The following BTBD9 variants were observed in gnomAD, a reference collection of about 807,000 sequenced individuals.
The protein encoded by BTBD9 is BTB domain containing 9.
In BTBD9, 49 loss-of-function variants were observed where a neutral mutation model predicts 64.3. The ratio of observed to expected loss-of-function variants is 0.76; its 90% CI spans 0.61 to 0.97. The LOEUF (loss-of-function observed/expected upper bound fraction) is 0.97. Among genes scored for constraint, BTBD9 ranks in the 50% least tolerant of loss-of-function variants. BTBD9 has a pLI of 0.00. For missense variants in BTBD9, 598 were observed against 762.1 expected, an observed-to-expected ratio of 0.78 and a Z score of 2.53; for synonymous variants, 260 against 274.7, an observed-to-expected ratio of 0.95 and a Z score of 0.53.
intron 6 of BTBD9, among the ~76,000 whole-genome samples, chr6:38,392,495 C>T (rs1399263127): frequency 6.6e-6 from 1 of 152,078 alleles, no homozygotes. Flanking sequence ...GGGGGTGCTA[C>T]CCAATCTTGA....
intron 6 of BTBD9, among the ~76,000 whole-genome samples, chr6:38,418,078 T>C (rs1243181706): frequency 6.6e-6 from 1 of 152,184 alleles, no homozygotes; most frequent in Non-Finnish European, 1.5e-5. Context: ...TCTATCATCA[T>C]TTATGTCTTG....
chr6:38,569,754 T>C (rs1248144422), intron 6 of BTBD9, among the ~76,000 whole-genome samples: 1 of 152,060 alleles, frequency 6.6e-6, no homozygotes, highest in Non-Finnish European at 1.5e-5. Context: ...TTCTCAAAGG[T>C]CTTACTGAAT....
rs572955596 is a variant in BTBD9, at chr6:38,469,055, C to T, written c.1154+108545G>A. ...AATATCACTTGTCAGTCCTACTAAT[C>T]TTGTTGGTATGTCTGTAAAAATCTA... On this transcript the variant is annotated intron_variant, in intron 6 of 10. Coordinates refer to ENST00000481247, the MANE Select transcript of BTBD9 (RefSeq NM_001099272.2). Among the ~76,000 whole-genome samples the T allele has an allele frequency of 2.3e-4, 35 of 151,848 alleles. No individual in the cohort carries two copies. The South Asian group carries it at 6.2e-3, about 27-fold the overall frequency.
intron 1 of BTBD9, among the ~76,000 whole-genome samples, chr6:38,606,250 C>T (rs999627783): frequency 2.6e-5 from 4 of 152,140 alleles, no homozygotes; most frequent in Non-Finnish European, 5.9e-5. Flanking sequence ...GGGACTTCAC[C>T]TTGTGATCGT....
intron 9 of BTBD9, among the ~76,000 whole-genome samples, chr6:38,213,902 A>G (rs953574686): frequency 6.6e-5 from 10 of 151,948 alleles, no homozygotes; most frequent in Non-Finnish European, 8.8e-5. Flanking sequence ...AGGCTGAGGC[A>G]GGAAAATGGC....
intron 1 of BTBD9, among the ~76,000 whole-genome samples, chr6:38,599,588 G>A (rs1777176725): frequency 6.6e-6 from 1 of 152,216 alleles, no homozygotes; most frequent in African/African-American, 2.4e-5. Context: ...TCAGAGACTA[G>A]AGAAATTGAG....
chr6:38,288,396 G>A lies in BTBD9; in HGVS notation c.1330C>T (p.Arg444Ter), dbSNP rs768090608. The A allele has an allele frequency of 8.7e-6, 14 of 1,613,880 alleles. No individual in the cohort carries two copies. Among genetic ancestry groups the A allele is most frequent in the Middle Eastern group, 3.3e-4 (2 of 6,082 alleles). The part of the protein sequence containing the change: ...ASVIEGVSRS[R>*]NALLNGDTKN... The stretch of plus-strand genomic sequence containing the variant: ...GTGTCCCCATTCAGCAAGGCATTTC[G>A]GCTCCGACTGACTCCTTCAATCACA... The change falls in exon 8 of 11, where the codon CGA (arginine) becomes TGA (stop). Residue 444 changes from arginine (R) to a stop codon, truncating the protein, a stop_gained. Transcript: ENST00000481247. LOFTEE classifies it high-confidence loss of function.
At chr6:38,405,818 T>C (rs1767137488) in intron 6 of BTBD9, among the ~76,000 whole-genome samples, 1 of 152,216 alleles carries the variant, frequency 6.6e-6, no homozygotes, top group South Asian at 2.1e-4. Context: ...TCTTCTAGTG[T>C]TGGTCTAAAT....
intron 6 of BTBD9, among the ~76,000 whole-genome samples, chr6:38,429,877 A>T (rs1360470033): frequency 6.6e-6 from 1 of 151,956 alleles, no homozygotes; most frequent in Non-Finnish European, 1.5e-5. Flanking sequence ...AATTATGCTG[A>T]ATGAAAATTC....
At chr6:38,198,494 A>G (rs907135387) in intron 9 of BTBD9, among the ~76,000 whole-genome samples, 2 of 152,214 alleles carry the variant, frequency 1.3e-5, no homozygotes, top group Non-Finnish European at 2.9e-5. Flanking sequence ...CTCAGCAGAG[A>G]GCAGCTCTCT....
chr6:38,333,396 C>T (rs977098166), intron 7 of BTBD9, among the ~76,000 whole-genome samples: 2 of 152,158 alleles, frequency 1.3e-5, no homozygotes, highest in Non-Finnish European at 2.9e-5. Context: ...AGTATTTTCA[C>T]TCTTCTGGTA....
At chr6:38,369,449 T>C in intron 6 of BTBD9, among the ~76,000 whole-genome samples, 1 of 152,202 alleles carries the variant, frequency 6.6e-6, no homozygotes, top group East Asian at 1.9e-4. Flanking sequence ...CCCTACCTGA[T>C]GCTCTCCTAA....
intron 7 of BTBD9, among the ~76,000 whole-genome samples, chr6:38,344,665 C>G (rs1764214336): frequency 6.6e-6 from 1 of 152,180 alleles, no homozygotes; most frequent in Admixed American, 6.5e-5. Flanking sequence ...TTCAAACTCG[C>G]CTATCATTAA....
At chr6:38,205,888 AAAAG>A (rs1328936965) in intron 9 of BTBD9, among the ~76,000 whole-genome samples, 11 of 144,596 alleles carry the variant, frequency 7.6e-5, no homozygotes, top group South Asian at 4.5e-4. Context: ...TCAAAAAAAA[AAAAG>A]AAAGAAAGAA....
chr6:38,337,193 T>C (rs1763925509), intron 7 of BTBD9, among the ~76,000 whole-genome samples: 1 of 152,144 alleles, frequency 6.6e-6, no homozygotes, highest in Admixed American at 6.5e-5. Flanking sequence ...CACACCCAAA[T>C]CTCTGTTTCT....
chr6:38,438,225 A>G (rs1768836332), intron 6 of BTBD9, among the ~76,000 whole-genome samples: 1 of 60,656 alleles, frequency 1.6e-5, no homozygotes, highest in Non-Finnish European at 3.8e-5. Flanking sequence ...GGAGGGAGGG[A>G]GGGAGGGAGG....
chr6:38,333,402 T>C (rs714930), intron 7 of BTBD9, among the ~76,000 whole-genome samples: 9,484 of 152,282 alleles, frequency 0.062, 797 homozygotes, highest in East Asian at 0.39. Context: ...TTCACTCTTC[T>C]GGTAAAAACT....
At chr6:38,217,152 CAAA>C (rs35599057) in intron 9 of BTBD9, among the ~76,000 whole-genome samples, 8 of 121,812 alleles carry the variant, frequency 6.6e-5, no homozygotes, top group Non-Finnish European at 8.6e-5. Context: ...ACTAAGGATA[CAAA>C]AAAAAAAAAA....
rs148813934 is a variant in BTBD9 at position 38,425,643 on chromosome 6, T to C, written c.1155-80550A>G. Among the ~76,000 whole-genome samples, 616 of 151,696 alleles carry C rather than the reference T, an allele frequency of 4.1e-3. 14 individuals carry two copies. Among genetic ancestry groups the C allele is most frequent in the African/African-American group, 0.014 (587 of 41,096 alleles). ...AACCCAGGCTGGACATGATAGCTTA[T>C]GCTTGTAATCCCAGCACTTTGGGAG... On this transcript the variant is annotated intron_variant, in intron 6 of 10. Transcript: ENST00000481247.
Sources: allele counts gnomAD v4.1 joint callset (sites outside exome capture counted in the v4.1 genomes callset), GRCh38; gene constraint gnomAD v4.1.1; transcripts MANE v1.5; gene names NCBI Gene and HGNC (gene_info 2026-07-23, HGNC 2026-07-21).